The following MROH1 variants were observed in gnomAD, a reference collection of about 807,000 sequenced individuals.
MROH1 encodes the protein maestro heat like repeat family member 1.
Under a neutral mutation model 116.5 loss-of-function variants are expected in MROH1, and 117 were observed. The ratio of observed to expected loss-of-function variants is 1.00; its 90% confidence interval spans 0.86 to 1.17. The LOEUF (loss-of-function observed/expected upper bound fraction) is 1.17, where lower values mean the gene tolerates loss of function less well. MROH1 is among the 50% of genes most tolerant of loss of function. MROH1 has a pLI of 0.00. For synonymous variants in MROH1, 921 were observed against 583.9 expected (o/e 1.58, Z -8.32); for missense variants, 1,873 against 1,338.5 (o/e 1.40, Z -6.23).
intron 14 of MROH1, among the ~76,000 whole-genome samples, chr8:144,237,291 CTGTTGCTGGCCTTGG>C (rs1165852641): frequency 1.3e-5 from 2 of 152,220 alleles, no homozygotes; most frequent in East Asian, 3.8e-4. Flanking sequence ...TGCGCAGTCC[CTGTTGCTGGCCTTGG>C]TGTTCAAACT....
chr8:144,152,557 T>TATTATTATTA (rs1230132122), intron 1 of MROH1, among the ~76,000 whole-genome samples: 27 of 146,928 alleles, frequency 1.8e-4, no homozygotes, highest in African/African-American at 7.1e-4. Context: ...TTATTATTAT[T>TATTATTATTA]TTTTTTTTTG....
rs1830547712 is a variant in MROH1 at position 144,199,152 on chromosome 8, CT to C, written c.980del (p.Leu327ArgfsTer2). On this transcript the variant is annotated frameshift_variant, in exon 11 of 44. Coordinates refer to ENST00000326134, the MANE Select transcript of MROH1 (RefSeq NM_032450.3). LOFTEE classifies it high-confidence loss of function. ...ICVPVESSSP[L>X]VMSNQKEVLR... Reference sequence around the variant, plus strand: ...TGTGCCTGTGGAGTCCTCAAGCCCCCTGGTGATGAGTAACCAGAAGGAGGTG... The same window carrying C: ...TGTGCCTGTGGAGTCCTCAAGCCCCCGGTGATGAGTAACCAGAAGGAGGTG... 1 of 1,613,770 alleles carries C rather than the reference CT, an allele frequency of 6.2e-7. No homozygotes were observed. The highest frequency in any genetic ancestry group is 1.6e-4 in the Middle Eastern group (1 of 6,062).
chr8:144,162,087 T>C (rs1214943389), intron 2 of MROH1, among the ~76,000 whole-genome samples: 1 of 133,046 alleles, frequency 7.5e-6, no homozygotes, highest in Admixed American at 7.0e-5. Context: ...TTCTTTTCTT[T>C]TTTTTTTTTT....
intron 14 of MROH1, among the ~76,000 whole-genome samples, chr8:144,226,345 C>T (rs932562696): frequency 6.6e-6 from 1 of 152,174 alleles, no homozygotes; most frequent in African/African-American, 2.4e-5. Context: ...CTTGCATCTT[C>T]GTCGAAAATC....
intron 12 of MROH1, among the ~76,000 whole-genome samples, chr8:144,202,655 AG>A (rs1831556841): frequency 1.3e-4 from 1 of 7,712 alleles, no homozygotes; most frequent in African/African-American, 5.2e-4. Flanking sequence ...CTCTGTGGAG[AG>A]GCGGGGAGGG....
At chr8:144,179,294 C>A (rs1768688979) in intron 4 of MROH1, among the ~76,000 whole-genome samples, 161 bp from the exon 5 acceptor site, 1 of 152,122 alleles carries the variant, frequency 6.6e-6, no homozygotes, top group African/African-American at 2.4e-5. Context: ...GGCTTGCAGG[C>A]CGGCTTTTAG....
chr8:144,224,125 G>GT (rs1038043603), intron 14 of MROH1, among the ~76,000 whole-genome samples: 10 of 152,150 alleles, frequency 6.6e-5, no homozygotes, highest in Non-Finnish European at 1.2e-4. Context: ...CAAGGCCTCT[G>GT]TTTTAGTCTT....
intron 1 of MROH1, among the ~76,000 whole-genome samples, chr8:144,159,603 A>C (rs950149287): frequency 6.6e-6 from 1 of 152,160 alleles, no homozygotes; most frequent in Non-Finnish European, 1.5e-5. Context: ...TAGTGTTAAC[A>C]TATTTAATCT....
intron 12 of MROH1, among the ~76,000 whole-genome samples, chr8:144,204,133 CAG>C (rs1832320463): frequency 6.6e-6 from 1 of 152,148 alleles, no homozygotes; most frequent in African/African-American, 2.4e-5. Flanking sequence ...TGTTTTGAGA[CAG>C]GGTCTCGTTC....
chr8:144,226,704 C>A (rs949886948), intron 14 of MROH1, among the ~76,000 whole-genome samples: 5 of 152,324 alleles, frequency 3.3e-5, no homozygotes, highest in East Asian at 3.9e-4. Flanking sequence ...CCACCCGCCT[C>A]GGCCTCCCAA....
intron 12 of MROH1, chr8:144,213,950 T>C (rs1834731456): frequency 6.6e-6 from 1 of 152,178 alleles, no homozygotes; most frequent in Non-Finnish European, 1.5e-5. Context: ...TGTTTCTTTG[T>C]TTTGGTTTTG....
chr8:144,220,268 T>C (rs960105971), intron 12 of MROH1, among the ~76,000 whole-genome samples: 1 of 152,050 alleles, frequency 6.6e-6, no homozygotes, highest in Admixed American at 6.6e-5. Context: ...CCCCAGTGCT[T>C]AATCCGCCTT....
At chr8:144,177,280 C>T (rs111954828) in intron 4 of MROH1, among the ~76,000 whole-genome samples, 2,413 of 152,268 alleles carry the variant, frequency 0.016, 49 homozygotes, top group African/African-American at 0.052. Context: ...GCCACAGCCA[C>T]GTGCGGCACG....
At chr8:144,175,234 C>T (rs903876323) in intron 4 of MROH1, 1 of 887,860 alleles carries the variant, frequency 1.1e-6, no homozygotes, top group Non-Finnish European at 1.3e-6. Context: ...GCTGCCCCTC[C>T]CAGCAGCGGG....
intron 8 of MROH1, among the ~76,000 whole-genome samples, chr8:144,191,317 G>A (rs900915604): frequency 5.3e-5 from 8 of 152,094 alleles, no homozygotes; most frequent in African/African-American, 1.9e-4. Flanking sequence ...CGATCCACCC[G>A]CCTTGGCCTC....
At chr8:144,174,974 C>T in intron 4 of MROH1, 1 of 985,428 alleles carries the variant, frequency 1.0e-6, no homozygotes, top group Non-Finnish European at 1.2e-6. Flanking sequence ...AGTCCCAGGA[C>T]TCACTTCTCC....
chr8:144,242,800 C>T (rs1841232998), intron 24 of MROH1, among the ~76,000 whole-genome samples, 172 bp downstream of exon 24: 1 of 152,212 alleles, frequency 6.6e-6, no homozygotes, highest in Non-Finnish European at 1.5e-5. Context: ...CTTCCCTGGC[C>T]TGGGCCCTGG....
At chr8:144,212,072 G>GC (rs1180319957) in intron 12 of MROH1, among the ~76,000 whole-genome samples, 2 of 97,902 alleles carry the variant, frequency 2.0e-5, no homozygotes, top group African/African-American at 7.6e-5. Context: ...AAGCTGTGTT[G>GC]TTTTTTTGTT....
intron 4 of MROH1, among the ~76,000 whole-genome samples, chr8:144,178,484 G>C (rs889576797): frequency 1.3e-4 from 19 of 151,444 alleles, no homozygotes; most frequent in Non-Finnish European, 1.0e-4. Flanking sequence ...GGCCAGGCTG[G>C]TCTTGAACCC....
Sources: gnomAD v4.1 joint callset for allele counts (sites outside exome capture counted in the v4.1 genomes callset) on GRCh38, gnomAD v4.1.1 for gene constraint, MANE v1.5 for transcripts, NCBI Gene and HGNC (gene_info 2026-07-23, HGNC 2026-07-21) for gene names.